CCDC61: variants seen among roughly 807,000 people sequenced by gnomAD.
CCDC61 encodes the protein coiled-coil domain containing 61.
Under a neutral mutation model 63.0 loss-of-function variants are expected in CCDC61, and 55 were observed. The observed-to-expected ratio is 0.87, with a 90% CI of 0.70 to 1.09. CCDC61 has a LOEUF of 1.09. Ranked by LOEUF, CCDC61 falls within the 50% of genes least tolerant of loss-of-function variation. CCDC61 has a pLI of 0.00. For synonymous variants in CCDC61, 270 were observed against 317.0 expected (o/e 0.85, Z 1.58); for missense variants, 651 against 731.4 (o/e 0.89, Z 1.27).
intron 5 of CCDC61, among the ~76,000 whole-genome samples, chr19:46,013,867 GAAAA>G (rs5828260): frequency 7.4e-6 from 1 of 135,860 alleles, no homozygotes; most frequent in Non-Finnish European, 1.6e-5. Context: ...CTCCGTCTCA[GAAAA>G]AAAAAAAAAA....
At position 46,018,305 on chromosome 19, in the gene CCDC61, A is replaced by T; in HGVS notation, c.1457A>T (p.His486Leu). 6.4e-7 allele frequency: 1 copy of T among 1,569,980 alleles called. No homozygotes were observed. Among genetic ancestry groups the T allele is most frequent in the East Asian group, 2.4e-5 (1 of 41,960 alleles). ...WVPIKEYSSE[H>L]QAADMAEIDA... The stretch of plus-strand genomic sequence containing the variant: ...GCTCTCACAGAGTACAGCTCGGAGC[A>T]CCAGGCGGCTGACATGGCCGAAATA... The change falls in exon 14 of 14, where the codon CAC becomes CTC. Residue 486 changes from histidine (H) to leucine (L), a missense_variant. Physicochemically the swap from His to Leu is moderately conservative, Grantham distance 99. Coordinates refer to ENST00000595358, the MANE Select transcript of CCDC61 (RefSeq NM_001267723.2). This position sits in a 1 kb window ranked among gnomAD's most constrained non-coding sequence, Gnocchi z 4.2.
Position 46,015,077 on chromosome 19 carries a change from G to C in CCDC61, c.580G>C (p.Glu194Gln). Residue 194 changes from glutamate to glutamine, a missense_variant, in exon 6 of 14, where the codon GAG (glutamate) becomes CAG (glutamine). Glu to Gln is a conservative substitution (Grantham distance 29). Coordinates refer to ENST00000595358, the MANE Select transcript of CCDC61 (RefSeq NM_001267723.2). This position sits in a 1 kb window ranked among gnomAD's most constrained non-coding sequence, Gnocchi z 5.3. The stretch of plus-strand genomic sequence containing the variant: ...GTCGCGCCTGGCGTCCGAGAAGCGG[G>C]AGCTGGAGGCGCAGCTGGGCCGATC... ...QVSRLASEKR[E>Q]LEAQLGRSRE... 6.8e-7 allele frequency: 1 copy of C among 1,467,468 alleles called. No individual in the cohort carries two copies. Among genetic ancestry groups the C allele is most frequent in the Non-Finnish European group, 9.0e-7 (1 of 1,113,384 alleles). The allele number at this position is 1,467,468 out of a possible 1,614,324, so 90.9% of individuals were successfully genotyped here.
At position 46,003,467 on chromosome 19, in the gene CCDC61, T is replaced by A; in HGVS notation, c.197T>A (p.Ile66Asn). 1.2e-6 allele frequency: 2 copies of A among 1,607,824 alleles called. No homozygotes were observed. The highest frequency in any genetic ancestry group is 1.7e-6 in the Non-Finnish European group (2 of 1,176,698). Residue 66 changes from isoleucine (I) to asparagine (N), a missense_variant, in exon 3 of 14, where the codon ATC becomes AAC. Ile to Asn is a moderately radical substitution (Grantham distance 149). Transcript: ENST00000595358. Reference sequence around the variant, plus strand: ...ACAGGGAACTTCAAACAGTTCAACATCTTCTGTCATATGCTGGAGTCAGCC... The same window carrying A: ...ACAGGGAACTTCAAACAGTTCAACAACTTCTGTCATATGCTGGAGTCAGCC... ...HKTGNFKQFNIFCHMLESALT... is the reference protein window; with the variant it reads ...HKTGNFKQFNNFCHMLESALT...
chr19:46,009,845 C>T (rs1968792860), intron 5 of CCDC61, among the ~76,000 whole-genome samples: 1 of 128,444 alleles, frequency 7.8e-6, no homozygotes, highest in African/African-American at 3.0e-5. Flanking sequence ...TGTGCGCGCG[C>T]GTTTGCTCTG....
chr19:45,996,453 G>C (rs1466851279), intron 1 of CCDC61: 1 of 131,456 alleles, frequency 7.6e-6, no homozygotes, highest in East Asian at 2.2e-4. Flanking sequence ...TTTTGAGACA[G>C]AGTTTCGCTC....
In CCDC61 at chr19:46,013,017, A is replaced by AT. The variant is rs547379016; in HGVS notation, c.552-2020dup. 7.6e-3 allele frequency among the ~76,000 whole-genome samples: 1,102 copies of AT among 144,524 alleles called. 13 individuals carry two copies. Among genetic ancestry groups the AT allele is most frequent in the African/African-American group, 0.022 (869 of 39,520 alleles). 94.8% of individuals were successfully genotyped at this position (144,524 alleles called of 152,430 possible). ...CAGGCACATGGCACCATGCCAAGCT[A>AT]TTTTTTTTTTTTGAGACAAAGTCTT... On this transcript the variant is annotated intron_variant, in intron 5 of 13. Transcript: ENST00000595358.
At position 46,018,083 on chromosome 19, in the gene CCDC61, TC is replaced by T; in HGVS notation, c.1380del (p.Val461TrpfsTer34). ...TPWSGSNMKS[P>X]PVERSHHQKS... is the part of the protein sequence containing the mutation. ...CCTACCTTCCCCATCACCAGAAGTC[TC>T]CCCCCGTGGAACGCAGCCACCATCA... On this transcript the variant is annotated frameshift_variant, in exon 13 of 14. Coordinates refer to ENST00000595358, the MANE Select transcript of CCDC61 (RefSeq NM_001267723.2). LOFTEE classifies it high-confidence loss of function. This position sits in a 1 kb window ranked among gnomAD's most constrained non-coding sequence, Gnocchi z 4.2. 2.5e-6 allele frequency: 4 copies of T among 1,608,894 alleles called. No individual in the cohort carries two copies. Among genetic ancestry groups the T allele is most frequent in the Non-Finnish European group, 8.5e-7 (1 of 1,177,996 alleles).
chr19:45,997,249 A>C lies in CCDC61; in HGVS notation c.-12+1745A>C, dbSNP rs142407410. On this transcript the variant is annotated intron_variant, in intron 1 of 13. Transcript: ENST00000595358. ...CAGGTGTCTGTGTGGCTTCTTCCACACCTCTTTCAGGTCTCCGCTCAGACG... is the reference window on the plus strand; with the variant it reads ...CAGGTGTCTGTGTGGCTTCTTCCACCCCTCTTTCAGGTCTCCGCTCAGACG... Among the ~76,000 whole-genome samples the C allele has an allele frequency of 7.6e-3, 1,151 of 151,914 alleles. 7 individuals carry two copies. Among genetic ancestry groups the C allele is most frequent in the Non-Finnish European group, 0.011 (764 of 67,948 alleles).
intron 3 of CCDC61, among the ~76,000 whole-genome samples, chr19:46,005,145 G>A (rs1256723193): frequency 3.3e-5 from 5 of 152,192 alleles, no homozygotes; most frequent in African/African-American, 1.2e-4. Flanking sequence ...CGAGTAGCTG[G>A]AATTACAGGC....
At chr19:46,005,114 A>G (rs1968679680) in intron 3 of CCDC61, among the ~76,000 whole-genome samples, 1 of 152,110 alleles carries the variant, frequency 6.6e-6, no homozygotes, top group Non-Finnish European at 1.5e-5. Context: ...GATTTCAAGC[A>G]ATTCTCCTAT....
intron 5 of CCDC61, among the ~76,000 whole-genome samples, chr19:46,012,096 C>G (rs912861988): frequency 2.6e-5 from 4 of 152,158 alleles, no homozygotes; most frequent in Non-Finnish European, 5.9e-5. Flanking sequence ...TGTAAGCCAC[C>G]GTGCCTGGCC....
chr19:46,011,610 T>C (rs564176073), intron 5 of CCDC61, among the ~76,000 whole-genome samples: 1 of 152,180 alleles, frequency 6.6e-6, no homozygotes, highest in Non-Finnish European at 1.5e-5. Flanking sequence ...TAATCACATG[T>C]GGGGTAGGTT....
chr19:45,997,563 A>G (rs1968517007), intron 1 of CCDC61, among the ~76,000 whole-genome samples: 1 of 151,200 alleles, frequency 6.6e-6, no homozygotes, highest in African/African-American at 2.4e-5. Flanking sequence ...GCTAATTTTT[A>G]CATTTTTAGT....
rs1968932389 is a variant in CCDC61, at chr19:46,016,257, G to A, written c.1015+34G>A. 3.1e-6 allele frequency: 5 copies of A among 1,600,036 alleles called. No homozygotes were observed. The highest frequency in any genetic ancestry group is 4.3e-6 in the Non-Finnish European group (5 of 1,173,198). On this transcript the variant is annotated intron_variant, in intron 8 of 13. Coordinates refer to ENST00000595358, the MANE Select transcript of CCDC61 (RefSeq NM_001267723.2). This position sits in a 1 kb window ranked among gnomAD's most constrained non-coding sequence, Gnocchi z 7.2. The stretch of plus-strand genomic sequence containing the variant: ...CCCTGCCCTGCGGTAGGGAGGGGAC[G>A]CACTGGCGCTGCCAAGGCCCGTCTC...
intron 1 of CCDC61, among the ~76,000 whole-genome samples, chr19:46,001,695 G>T (rs1323866843): frequency 1.3e-5 from 2 of 152,256 alleles, no homozygotes; most frequent in Non-Finnish European, 2.9e-5. Flanking sequence ...CTGTCAGGAG[G>T]TCTAGGGCCT....
intron 4 of CCDC61, among the ~76,000 whole-genome samples, chr19:46,006,977 C>T (rs1452349141): frequency 2.6e-5 from 4 of 152,054 alleles, no homozygotes; most frequent in Non-Finnish European, 5.9e-5. Flanking sequence ...GTGTCTGCCA[C>T]CTGTTTAACA....
Position 46,018,363 on chromosome 19 carries a change from G to T in CCDC61, c.1515G>T (p.Met505Ile). The T allele has an allele frequency of 6.4e-7, 1 of 1,572,962 alleles. No individual in the cohort carries two copies. Among genetic ancestry groups the T allele is most frequent in the South Asian group, 1.2e-5 (1 of 85,508 alleles). The stretch of plus-strand genomic sequence containing the variant: ...GCCTGAAGGCCTTGCAGGAGTACAT[G>T]AACCGACTGGACATGCGGTCATAAC... ...DARLKALQEY[M>I]NRLDMRS Residue 505 changes from methionine (M) to isoleucine (I), a missense_variant, in exon 14 of 14, where the codon ATG (methionine) becomes ATT (isoleucine). Transcript: ENST00000595358. This position sits in a 1 kb window ranked among gnomAD's most constrained non-coding sequence, Gnocchi z 4.2.
chr19:46,015,946 G>A lies in CCDC61; in HGVS notation c.846-108G>A. ...TGGGCCCAGGAGTGCACGTCTAGGA[G>A]TTGATGGGGTAGGCCTGAGGGTTCG... On this transcript the variant is annotated intron_variant, in intron 7 of 13. Transcript: ENST00000595358. This position sits in a 1 kb window ranked among gnomAD's most constrained non-coding sequence, Gnocchi z 5.3. 1 of 984,416 alleles carries A rather than the reference G, an allele frequency of 1.0e-6. No homozygotes were observed. Among genetic ancestry groups the A allele is most frequent in the South Asian group, 5.2e-5 (1 of 19,188 alleles). 61.0% of individuals were successfully genotyped at this position (984,416 alleles called of 1,614,324 possible).
At chr19:46,005,135 CGAGT>C (rs1568689639) in intron 3 of CCDC61, among the ~76,000 whole-genome samples, 1 of 152,066 alleles carries the variant, frequency 6.6e-6, no homozygotes, top group East Asian at 1.9e-4. Context: ...TTCAGCCTCC[CGAGT>C]AGCTGGAATT....
Sources: gnomAD v4.1 joint callset for allele counts (sites outside exome capture counted in the v4.1 genomes callset) on GRCh38, gnomAD v4.1.1 for gene constraint, Gnocchi (gnomAD v3.1) non-coding constraint, MANE v1.5 for transcripts, NCBI Gene and HGNC (gene_info 2026-07-23, HGNC 2026-07-21) for gene names.